GLIS3: variants seen among roughly 807,000 people sequenced by gnomAD.
GLIS3 encodes zinc finger protein GLIS3.
In GLIS3, 53 loss-of-function variants were observed where a neutral mutation model predicts 78.6. The ratio of observed to expected loss-of-function variants is 0.67; its 90% CI spans 0.54 to 0.85. The LOEUF (loss-of-function observed/expected upper bound fraction) is 0.85, where lower values mean the gene tolerates loss of function less well. GLIS3 is among the 40% of genes least tolerant of loss of function. The probability of loss-of-function intolerance (pLI) is 0.00; values close to 1 mark genes in which losing one functional copy is unlikely to be tolerated. For missense variants in GLIS3, 1,703 were observed against 1,231.1 expected (o/e 1.38, Z -5.74); for synonymous variants, 684 against 509.9 (o/e 1.34, Z -4.60).
At chr9:4,105,995 C>A (rs149343461) in intron 4 of GLIS3, among the ~76,000 whole-genome samples, 232 of 152,254 alleles carry the variant, frequency 1.5e-3, no homozygotes, top group Non-Finnish European at 1.6e-3. Flanking sequence ...CAATCCATGC[C>A]GCAAGAACCT....
the GLIS3 span, among the ~76,000 whole-genome samples, chr9:4,485,853 C>G: frequency 9.2e-5 from 14 of 152,024 alleles, no homozygotes; most frequent in Non-Finnish European, 1.8e-4. Flanking sequence ...TCCCAAGTAG[C>G]TGGAATTATA....
intron 4 of GLIS3, among the ~76,000 whole-genome samples, chr9:3,948,877 T>C (rs1481516389): frequency 1.3e-5 from 2 of 152,212 alleles, no homozygotes; most frequent in African/African-American, 4.8e-5. Context: ...ATCTAGCACA[T>C]AGTAAATTCT....
chr9:4,357,122 G>A, the GLIS3 span, among the ~76,000 whole-genome samples: 12 of 152,140 alleles, frequency 7.9e-5, no homozygotes, highest in African/African-American at 2.9e-4. Context: ...AGTGGAATTT[G>A]TTCTTATTTA....
chr9:4,146,499 A>C (rs1233339434), intron 2 of GLIS3, among the ~76,000 whole-genome samples: 1 of 152,208 alleles, frequency 6.6e-6, no homozygotes, highest in Non-Finnish European at 1.5e-5. Flanking sequence ...TTTAGGGTTA[A>C]TGACTAAACT....
In GLIS3 at chr9:4,037,932, G is replaced by A. The variant is rs1208967172; in HGVS notation, c.1710+79836C>T. On this transcript the variant is annotated intron_variant, in intron 4 of 10. Coordinates refer to ENST00000381971, the MANE Select transcript of GLIS3 (RefSeq NM_001042413.2). ...ACACTTTTCAGCTGCCCACATTCAG[G>A]GGAGATACAAAATCCAGGAAAGGAA... is the stretch of plus-strand genomic sequence containing the variant. Among the ~76,000 whole-genome samples the A allele has an allele frequency of 7.4e-5, 11 of 149,186 alleles. No homozygotes were observed. In the East Asian group the frequency reaches 1.7e-3, roughly 24 times the overall value.
At chr9:3,910,716 C>A (rs530559255) in intron 6 of GLIS3, among the ~76,000 whole-genome samples, 1 of 152,280 alleles carries the variant, frequency 6.6e-6, no homozygotes, top group South Asian at 2.1e-4. Context: ...TGATACTGGG[C>A]AAGTATATTC....
intron 4 of GLIS3, among the ~76,000 whole-genome samples, chr9:4,088,567 T>C (rs1829236217): frequency 6.6e-6 from 1 of 152,246 alleles, no homozygotes; most frequent in Non-Finnish European, 1.5e-5. Context: ...GAAAATTATC[T>C]TCTTATTTCT....
At chr9:4,369,599 G>A in the GLIS3 span, among the ~76,000 whole-genome samples, 52 of 152,220 alleles carry the variant, frequency 3.4e-4, no homozygotes, top group African/African-American at 1.2e-3. Context: ...ACCCTCCCCT[G>A]GCTGTAGGCC....
intron 2 of GLIS3, among the ~76,000 whole-genome samples, chr9:4,174,489 G>A (rs537683625): frequency 5.9e-5 from 9 of 152,224 alleles, no homozygotes; most frequent in East Asian, 5.8e-4. Flanking sequence ...ACCACATTCC[G>A]TTCTAAAATG....
chr9:4,141,218 G>A lies in GLIS3; in HGVS notation c.389-15277C>T, dbSNP rs139651594. Reference sequence around the variant, plus strand: ...TAGTGCCTCTAGGAGGGAGACAGAAGGAGAGAGAGAGGTGGGATTGCCCAA... The same window carrying A: ...TAGTGCCTCTAGGAGGGAGACAGAAAGAGAGAGAGAGGTGGGATTGCCCAA... On this transcript the variant is annotated intron_variant, in intron 2 of 10. Transcript: ENST00000381971. 1.7e-3 allele frequency among the ~76,000 whole-genome samples: 266 copies of A among 152,284 alleles called. 2 individuals carry two copies. Among genetic ancestry groups the A allele is most frequent in the African/African-American group, 6.1e-3 (252 of 41,568 alleles).
chr9:3,885,869 A>G (rs1293749670), intron 7 of GLIS3, among the ~76,000 whole-genome samples: 1 of 152,218 alleles, frequency 6.6e-6, no homozygotes, highest in Non-Finnish European at 1.5e-5. Context: ...ACAATGTGAG[A>G]CAGATAGACC....
At chr9:4,284,511 A>T (rs1224452409) in intron 2 of GLIS3, among the ~76,000 whole-genome samples, 2 of 152,134 alleles carry the variant, frequency 1.3e-5, no homozygotes, top group Non-Finnish European at 1.5e-5. Flanking sequence ...TTTTGGATGT[A>T]GCCCCAGGGA....
At chr9:4,397,304 C>T in the GLIS3 span, among the ~76,000 whole-genome samples, 4 of 151,138 alleles carry the variant, frequency 2.6e-5, no homozygotes, top group Non-Finnish European at 4.4e-5. Context: ...GGATTACAGG[C>T]GTGAGCCACC....
chr9:4,389,825 A>C, the GLIS3 span, among the ~76,000 whole-genome samples: 1 of 152,202 alleles, frequency 6.6e-6, no homozygotes, highest in Non-Finnish European at 1.5e-5. Flanking sequence ...TTTGTTGAAC[A>C]TTTGCTATAT....
At chr9:4,044,999 G>A (rs1825128955) in intron 4 of GLIS3, among the ~76,000 whole-genome samples, 1 of 152,138 alleles carries the variant, frequency 6.6e-6, no homozygotes, top group South Asian at 2.1e-4. Context: ...TGGTAGTGCA[G>A]GCATAAAAAA....
At chr9:4,072,380 C>A (rs963546445) in intron 4 of GLIS3, among the ~76,000 whole-genome samples, 6 of 152,188 alleles carry the variant, frequency 3.9e-5, no homozygotes, top group Non-Finnish European at 7.4e-5. Context: ...AAGTCCAAAG[C>A]ATACAATGTT....
At chr9:3,992,132 C>T (rs1820362216) in intron 4 of GLIS3, among the ~76,000 whole-genome samples, 1 of 152,138 alleles carries the variant, frequency 6.6e-6, no homozygotes, top group African/African-American at 2.4e-5. Context: ...TCTGTCTGTT[C>T]CTGTCACAGT....
intron 2 of GLIS3, among the ~76,000 whole-genome samples, chr9:4,157,232 G>C (rs996252284): frequency 6.6e-6 from 1 of 152,194 alleles, no homozygotes; most frequent in African/African-American, 2.4e-5. Flanking sequence ...CCAGGTGAAA[G>C]GAAGATGGCC....
chr9:4,073,745 G>T (rs140669794), intron 4 of GLIS3, among the ~76,000 whole-genome samples: 3 of 152,136 alleles, frequency 2.0e-5, no homozygotes, highest in Admixed American at 6.5e-5. Context: ...CTTAGCTTCT[G>T]CCTCAGTTTC....
Sources: gnomAD v4.1 joint callset for allele counts (sites outside exome capture counted in the v4.1 genomes callset) on GRCh38, gnomAD v4.1.1 for gene constraint, MANE v1.5 for transcripts, NCBI Gene and HGNC (gene_info 2026-07-23, HGNC 2026-07-21) for gene names.